NPHP3: variants seen among roughly 807,000 people sequenced by gnomAD.
The protein encoded by NPHP3 is nephrocystin 3, also known as nephrocystin-3.
Under a neutral mutation model 171.9 loss-of-function variants are expected in NPHP3, and 123 were observed. The observed-to-expected ratio is 0.72, with a 90% confidence interval of 0.62 to 0.83. The LOEUF (loss-of-function observed/expected upper bound fraction) is 0.83, where lower values mean the gene tolerates loss of function less well. Ranked by LOEUF, NPHP3 falls within the 40% of genes least tolerant of loss-of-function variation. The pLI is 0.00. For synonymous variants in NPHP3, 558 were observed against 579.2 expected (o/e 0.96, Z 0.52); for missense variants, 1,506 against 1,591.9 (o/e 0.95, Z 0.92).
At chr3:132,703,579 CTTT>C (rs747062922) in intron 9 of NPHP3, among the ~76,000 whole-genome samples, 1 of 131,008 alleles carries the variant, frequency 7.6e-6, no homozygotes, top group Non-Finnish European at 1.7e-5. Flanking sequence ...TTCTTTCTTT[CTTT>C]TTTTTTTTTT....
At chr3:132,700,289 G>T in intron 11 of NPHP3, 45 bp downstream of exon 11, 1 of 1,408,248 alleles carries the variant, frequency 7.1e-7, no homozygotes, top group Non-Finnish European at 1.0e-6. Context: ...AACAATTTCT[G>T]AATCTAAATA....
intron 9 of NPHP3, among the ~76,000 whole-genome samples, chr3:132,701,979 C>T (rs6439362): frequency 0.83 from 125,573 of 152,110 alleles, 52,078 homozygotes; most frequent in Middle Eastern, 0.89. Flanking sequence ...TGAGCCGAGA[C>T]AGTGCCACCG....
At chr3:132,715,469 G>T (rs1392868937) in intron 4 of NPHP3, among the ~76,000 whole-genome samples, 2 of 152,154 alleles carry the variant, frequency 1.3e-5, no homozygotes, top group African/African-American at 4.8e-5. Context: ...CAAGTGTCAT[G>T]AAAAAATTTT....
In NPHP3 at chr3:132,708,170, T is replaced by C; in HGVS notation, c.1206A>G (p.Lys402=). The part of the protein sequence containing the change: ...RLIFHRLEDG[K]VSSDSVQQLI... ...ATTGCTGGACAGAGTCAGAACTGACTTTTCCATCTTCCAAACGATGAAAGA... is the reference window on the plus strand; with the variant it reads ...ATTGCTGGACAGAGTCAGAACTGACCTTTCCATCTTCCAAACGATGAAAGA... Residue 402 remains lysine, a synonymous_variant, in exon 7 of 27, where the codon AAA becomes AAG. Transcript: ENST00000337331. The C allele has an allele frequency of 1.2e-6, 2 of 1,614,146 alleles. No individual in the cohort carries two copies. The highest frequency in any genetic ancestry group is 2.2e-5 in the South Asian group (2 of 91,080).
chr3:132,722,393 G>A lies in NPHP3; in HGVS notation c.-38C>T. On this transcript the variant is annotated 5_prime_UTR_variant, in exon 1 of 27. Transcript: ENST00000337331. ...CGCTACTACCTAGTGAGTACCAGCA[G>A]GACTGGGCAGCGGAACGGAACGGGA... 6.4e-7 allele frequency: 1 copy of A among 1,557,742 alleles called. No homozygotes were observed.
intron 21 of NPHP3, 146 bp from the exon 22 acceptor site, chr3:132,687,372 G>T (rs1939188417): frequency 8.9e-6 from 5 of 564,124 alleles, no homozygotes; most frequent in African/African-American, 7.5e-5. Flanking sequence ...ATGACATTAA[G>T]AATCTCTAAA....
rs564013823 is a variant in NPHP3 at position 132,682,824 on chromosome 3, TAAAAA to T, written c.3697-11_3697-7del. 1 of 1,557,980 alleles carries T rather than the reference TAAAAA, an allele frequency of 6.4e-7. No individual in the cohort carries two copies. The highest frequency in any genetic ancestry group is 1.7e-5 in the Admixed American group (1 of 59,926). ...AAAGCTTCAACGTGTTTTTTCTTAT[TAAAAA>T]AAATGATAATGCTCATGCACACTGG... is the stretch of plus-strand genomic sequence containing the variant. On this transcript the variant is annotated splice_polypyrimidine_tract_variant and splice_region_variant and intron_variant, in intron 25 of 26. Coordinates refer to ENST00000337331, the MANE Select transcript of NPHP3 (RefSeq NM_153240.5).
rs138038507 is a variant in NPHP3, at chr3:132,688,121, A to G, written c.3125+529T>C. On this transcript the variant is annotated intron_variant, in intron 21 of 26. Transcript: ENST00000337331. ...TTTTGAGTGCTGTCATGATGCCACA[A>G]GTGGAAAATTCTGCACCTGACCTCA... Among the ~76,000 whole-genome samples the G allele has an allele frequency of 1.2e-3, 182 of 152,328 alleles. 1 individual carries two copies. Among genetic ancestry groups the G allele is most frequent in the African/African-American group, 3.8e-3 (156 of 41,578 alleles).
At chr3:132,713,340 T>C in intron 5 of NPHP3, 54 bp from the exon 6 acceptor site, 1 of 1,248,494 alleles carries the variant, frequency 8.0e-7, no homozygotes, top group South Asian at 1.4e-5. Flanking sequence ...AAAGATCAAG[T>C]GAGATTCATA....
intron 21 of NPHP3, among the ~76,000 whole-genome samples, 198 bp from the exon 22 acceptor site, chr3:132,687,424 CTT>C (rs1939189661): frequency 6.6e-6 from 1 of 152,032 alleles, no homozygotes; most frequent in African/African-American, 2.4e-5. Context: ...ACTAAGATAT[CTT>C]AGTCTATCAT....
In NPHP3 at chr3:132,718,989, C is replaced by G; in HGVS notation, c.670+5G>C. 1.2e-6 allele frequency: 2 copies of G among 1,614,032 alleles called. No individual in the cohort carries two copies. Among genetic ancestry groups the G allele is most frequent in the East Asian group, 2.2e-5 (1 of 44,882 alleles). ...GCTCAAAATATAAATAGGATATACACTTACCAGTGACATCTGTACAGTTGT... is the reference window on the plus strand; with the variant it reads ...GCTCAAAATATAAATAGGATATACAGTTACCAGTGACATCTGTACAGTTGT... On this transcript the variant is annotated splice_donor_5th_base_variant and intron_variant, in intron 3 of 26. Coordinates refer to ENST00000337331, the MANE Select transcript of NPHP3 (RefSeq NM_153240.5).
At position 132,684,621 on chromosome 3, in the gene NPHP3, G is replaced by T; in HGVS notation, c.3503C>A (p.Ala1168Glu). 1 of 1,613,950 alleles carries T rather than the reference G, an allele frequency of 6.2e-7. No homozygotes were observed. The highest frequency in any genetic ancestry group is 8.5e-7 in the Non-Finnish European group (1 of 1,179,830). ...YERALDIRRR[A>E]LAPDHPSLAY... ...CAAAGAAGGGTGATCAGGAGCTAATGCACGTCTCCGAATATCTAAAGCTCT... is the reference window on the plus strand; with the variant it reads ...CAAAGAAGGGTGATCAGGAGCTAATTCACGTCTCCGAATATCTAAAGCTCT... Residue 1168 changes from alanine to glutamate, a missense_variant, in exon 24 of 27, where the codon GCA (alanine) becomes GAA (glutamate). Physicochemically the swap from Ala to Glu is moderately radical, Grantham distance 107. Coordinates refer to ENST00000337331, the MANE Select transcript of NPHP3 (RefSeq NM_153240.5).
intron 24 of NPHP3, among the ~76,000 whole-genome samples, 169 bp downstream of exon 24, chr3:132,684,380 TATAAA>T (rs1345200546): frequency 2.0e-5 from 3 of 152,190 alleles, no homozygotes; most frequent in African/African-American, 4.8e-5. Flanking sequence ...ACCAGTTCAG[TATAAA>T]ATAATTATTT....
chr3:132,703,605 G>T, intron 9 of NPHP3, among the ~76,000 whole-genome samples: 1 of 147,012 alleles, frequency 6.8e-6, no homozygotes. Flanking sequence ...TTAAAGACAG[G>T]GTCTTGCTCT....
Position 132,681,615 on chromosome 3 carries a change from T to A in NPHP3, c.*295A>T, listed in dbSNP as rs1166664281. On this transcript the variant is annotated 3_prime_UTR_variant, in exon 27 of 27. Transcript: ENST00000337331. ...TCCTTGTCTTAACTACTCTGCCAGC[T>A]CTTGTTGAACAAAGACCAATCCGCT... 1 of 362,302 alleles carries A rather than the reference T, an allele frequency of 2.8e-6. No homozygotes were observed. The highest frequency in any genetic ancestry group is 5.2e-6 in the Non-Finnish European group (1 of 191,024). 22.4% of individuals were successfully genotyped at this position (362,302 alleles called of 1,614,324 possible).
chr3:132,706,596 TCTA>T (rs1235640069), intron 7 of NPHP3, among the ~76,000 whole-genome samples: 1 of 152,052 alleles, frequency 6.6e-6, no homozygotes, highest in Non-Finnish European at 1.5e-5. Flanking sequence ...TAAGAACATG[TCTA>T]CTACTACTAC....
intron 9 of NPHP3, among the ~76,000 whole-genome samples, chr3:132,702,484 C>G (rs564303382): frequency 1.7e-4 from 26 of 152,298 alleles, no homozygotes; most frequent in African/African-American, 5.3e-4. Context: ...CTAAAAAGGA[C>G]ACACTCAAAA....
chr3:132,682,085 T>C lies in NPHP3; in HGVS notation c.3818A>G (p.Glu1273Gly), dbSNP rs1354275634. 1.2e-6 allele frequency: 2 copies of C among 1,613,560 alleles called. No individual in the cohort carries two copies. The highest frequency in any genetic ancestry group is 2.7e-5 in the African/African-American group (2 of 74,914). Residue 1273 changes from glutamate (E) to glycine (G), a missense_variant, in exon 27 of 27, where the codon GAA becomes GGA. Glu to Gly is a moderately conservative substitution (Grantham distance 98). This residue lies in a region of NPHP3 where 569 missense variants were observed against 648.1 expected (regional missense o/e 0.88). Coordinates refer to ENST00000337331, the MANE Select transcript of NPHP3 (RefSeq NM_153240.5). The stretch of plus-strand genomic sequence containing the variant: ...AGCAGCTTTTTCAAAATCTCCTCCT[T>C]CATAGCTTTGAGAGAGAAAACAAAA... ...TLKNLAVLSY[E>G]GGDFEKAAEL...
chr3:132,681,136 A>G lies in NPHP3; in HGVS notation c.*774T>C, dbSNP rs1939016632. 6.6e-6 allele frequency: 1 copy of G among 152,254 alleles called. No homozygotes were observed. The highest frequency in any genetic ancestry group is 1.5e-5 in the Non-Finnish European group (1 of 68,058). 9.4% of individuals were successfully genotyped at this position (152,254 alleles called of 1,614,324 possible). On this transcript the variant is annotated 3_prime_UTR_variant, in exon 27 of 27. Transcript: ENST00000337331. ...AAGACAATTTGAATCGTTCATAAAC[A>G]TTAACCCTTTAATCCTTGAAACTTT...
Sources: gnomAD v4.1 joint callset for allele counts (sites outside exome capture counted in the v4.1 genomes callset) on GRCh38, gnomAD v4.1.1 for gene constraint, gnomAD v4.1.1 regional missense constraint, MANE v1.5 for transcripts, NCBI Gene and HGNC (gene_info 2026-07-23, HGNC 2026-07-21) for gene names.